The following CNTN5 variants were observed in gnomAD, a reference collection of about 807,000 sequenced individuals.
The protein encoded by CNTN5 is contactin 5.
In CNTN5, 77 loss-of-function variants were observed where a neutral mutation model predicts 129.1. That is an observed-to-expected ratio of 0.60 (90% CI 0.50 to 0.72). The LOEUF is 0.72. Ranked by LOEUF, CNTN5 falls within the 30% of genes least tolerant of loss-of-function variation. The pLI is 0.00. For missense variants in CNTN5, 1,478 were observed against 1,328.8 expected (o/e 1.11, Z -1.75); for synonymous variants, 509 against 465.6 (o/e 1.09, Z -1.20).
At chr11:99,961,206 G>GAGGA (rs1555167359) in intron 8 of CNTN5, among the ~76,000 whole-genome samples, 3 of 95,720 alleles carry the variant, frequency 3.1e-5, no homozygotes, top group African/African-American at 1.2e-4. Flanking sequence ...CTCCGTCTCA[G>GAGGA]AAAAAAAAAA....
At chr11:100,285,052 G>T (rs1450848209) in intron 18 of CNTN5, among the ~76,000 whole-genome samples, 1 of 152,072 alleles carries the variant, frequency 6.6e-6, no homozygotes, top group Non-Finnish European at 1.5e-5. Context: ...TATTAAATAA[G>T]ATTTTTTAAA....
Position 100,110,820 on chromosome 11 carries a change from A to G in CNTN5, c.1580+36526A>G, listed in dbSNP as rs544995993. On this transcript the variant is annotated intron_variant, in intron 13 of 24. Transcript: ENST00000524871. ...GCCACAACAGTGAAATGTGGGATTG[A>G]TGTCACTTCAGCCTGGGATGGTTTA... 2.0e-5 allele frequency among the ~76,000 whole-genome samples: 3 copies of G among 152,296 alleles called. No individual in the cohort carries two copies. The East Asian group carries it at 5.8e-4, about 29-fold the overall frequency.
chr11:100,292,336 A>G (rs921854137), intron 18 of CNTN5, among the ~76,000 whole-genome samples: 2 of 152,044 alleles, frequency 1.3e-5, no homozygotes, highest in Non-Finnish European at 2.9e-5. Context: ...CTTGCCCCCT[A>G]GCAGGCAGCC....
At chr11:99,320,368 G>C (rs1865519088) in intron 1 of CNTN5, among the ~76,000 whole-genome samples, 3 of 152,160 alleles carry the variant, frequency 2.0e-5, no homozygotes, top group Admixed American at 2.0e-4. Flanking sequence ...CTGTTGGAAG[G>C]GACAATGAAA....
chr11:99,065,499 C>G (rs1327020066), intron 1 of CNTN5, among the ~76,000 whole-genome samples: 2 of 152,156 alleles, frequency 1.3e-5, no homozygotes, highest in Non-Finnish European at 2.9e-5. Context: ...ACAAACATAT[C>G]TCCTCTACTG....
At chr11:99,909,575 A>G (rs1024415750) in intron 6 of CNTN5, among the ~76,000 whole-genome samples, 3 of 152,192 alleles carry the variant, frequency 2.0e-5, no homozygotes, top group South Asian at 2.1e-4. Flanking sequence ...ATGTCCAACA[A>G]TGATAGACTG....
chr11:99,322,579 A>G (rs1865617361), intron 1 of CNTN5, among the ~76,000 whole-genome samples: 1 of 152,158 alleles, frequency 6.6e-6, no homozygotes, highest in Non-Finnish European at 1.5e-5. Context: ...TTTAAGGTTT[A>G]ATTACAAGGT....
In CNTN5 at chr11:99,247,777, C is replaced by A. The variant is rs1861890753; in HGVS notation, c.-209-77569C>A. Among the ~76,000 whole-genome samples, 3 of 152,094 alleles carry A rather than the reference C, an allele frequency of 2.0e-5. No individual in the cohort carries two copies. The South Asian group carries it at 6.2e-4, about 32-fold the overall frequency. On this transcript the variant is annotated intron_variant, in intron 1 of 24. Coordinates refer to ENST00000524871, the MANE Select transcript of CNTN5 (RefSeq NM_014361.4). ...GTTTCCAGCTTCATCCATGTCCCTA[C>A]AAAGGACATGAACTCATCATTTTTT...
chr11:99,891,108 G>C (rs1591372806), intron 6 of CNTN5, among the ~76,000 whole-genome samples: 1 of 151,972 alleles, frequency 6.6e-6, no homozygotes, highest in South Asian at 2.1e-4. Flanking sequence ...AAATACATTA[G>C]GTCAAAACTT....
At chr11:99,249,891 C>T (rs1862013893) in intron 1 of CNTN5, among the ~76,000 whole-genome samples, 2 of 151,812 alleles carry the variant, frequency 1.3e-5, no homozygotes, top group African/African-American at 4.8e-5. Flanking sequence ...CAAATAGAGG[C>T]CATTCTTTAT....
At chr11:99,417,137 T>TA (rs1427280668) in intron 2 of CNTN5, among the ~76,000 whole-genome samples, 11 of 152,286 alleles carry the variant, frequency 7.2e-5, no homozygotes, top group African/African-American at 1.4e-4. Flanking sequence ...TCAATCAAGT[T>TA]AAAAAAACCC....
At chr11:99,357,280 G>C (rs74868569) in intron 2 of CNTN5, among the ~76,000 whole-genome samples, 13,088 of 151,952 alleles carry the variant, frequency 0.086, 891 homozygotes, top group African/African-American at 0.18. Flanking sequence ...TATTCCCCTA[G>C]TATTCAATAT....
chr11:99,375,590 T>C (rs1940131578), intron 2 of CNTN5, among the ~76,000 whole-genome samples: 1 of 152,110 alleles, frequency 6.6e-6, no homozygotes, highest in Non-Finnish European at 1.5e-5. Context: ...GACTTAAAAA[T>C]ACAACAGTGA....
At chr11:100,067,476 A>ATTT (rs200903304) in intron 10 of CNTN5, among the ~76,000 whole-genome samples, 3 of 147,630 alleles carry the variant, frequency 2.0e-5, no homozygotes, top group South Asian at 2.1e-4. Context: ...CCATTTCAGG[A>ATTT]TTTTTTTTTT....
chr11:99,456,966 C>T (rs896165101), intron 2 of CNTN5, among the ~76,000 whole-genome samples: 5 of 151,812 alleles, frequency 3.3e-5, no homozygotes, highest in Admixed American at 6.6e-5. Flanking sequence ...TGTCAGGCAA[C>T]GTGATAGATG....
At chr11:99,965,203 C>T (rs1280861728) in intron 8 of CNTN5, among the ~76,000 whole-genome samples, 3 of 152,082 alleles carry the variant, frequency 2.0e-5, no homozygotes, top group African/African-American at 7.2e-5. Flanking sequence ...CTTCTGCTAG[C>T]TTTTGAATGT....
intron 1 of CNTN5, among the ~76,000 whole-genome samples, chr11:99,047,847 T>A (rs536654305): frequency 6.6e-6 from 1 of 152,226 alleles, no homozygotes; most frequent in Non-Finnish European, 1.5e-5. Flanking sequence ...ACAATTATTT[T>A]AACTTTCAAT....
chr11:99,431,342 G>C (rs76864811), intron 2 of CNTN5, among the ~76,000 whole-genome samples: 1 of 152,116 alleles, frequency 6.6e-6, no homozygotes, highest in Non-Finnish European at 1.5e-5. Context: ...GGAGGAAAAA[G>C]CTCATACTTA....
intron 2 of CNTN5, among the ~76,000 whole-genome samples, chr11:99,522,401 T>A (rs910941186): frequency 8.5e-5 from 13 of 152,144 alleles, no homozygotes; most frequent in African/African-American, 3.1e-4. Flanking sequence ...TAATAACAAG[T>A]CTAGAAAATA....
Sources: gnomAD v4.1 joint callset for allele counts (sites outside exome capture counted in the v4.1 genomes callset) on GRCh38, gnomAD v4.1.1 for gene constraint, MANE v1.5 for transcripts, NCBI Gene and HGNC (gene_info 2026-07-23, HGNC 2026-07-21) for gene names.